The following AGBL3 variants were observed in gnomAD, a reference collection of about 807,000 sequenced individuals.
AGBL3 encodes AGBL carboxypeptidase 3.
A neutral mutation model predicts 94.5 loss-of-function variants in AGBL3; 68 were observed. That is an observed-to-expected ratio of 0.72 (90% confidence interval 0.59 to 0.88). AGBL3 has a LOEUF of 0.88. Ranked by LOEUF, AGBL3 falls within the 40% of genes least tolerant of loss-of-function variation. AGBL3 has a pLI of 0.00. For missense variants in AGBL3, 934 were observed against 1,103.8 expected, an observed-to-expected ratio of 0.85 and a Z score of 2.18; for synonymous variants, 354 against 370.7, an observed-to-expected ratio of 0.95 and a Z score of 0.52.
chr7:135,132,496 T>C (rs182066387), intron 16 of AGBL3, among the ~76,000 whole-genome samples: 7 of 152,194 alleles, frequency 4.6e-5, no homozygotes, highest in Admixed American at 1.3e-4. Context: ...CAGAAAAACA[T>C]AGGAATAAAG....
At chr7:135,036,626 G>T (rs1417952659) in intron 7 of AGBL3, among the ~76,000 whole-genome samples, 1 of 152,152 alleles carries the variant, frequency 6.6e-6, no homozygotes, top group Non-Finnish European at 1.5e-5. Context: ...CTAGACAAGG[G>T]CCAAGCAAAT....
intron 13 of AGBL3, among the ~76,000 whole-genome samples, chr7:135,076,882 C>T (rs1820502524): frequency 8.5e-6 from 1 of 117,978 alleles, no homozygotes; most frequent in Non-Finnish European, 1.9e-5. Context: ...GTGAAATTAT[C>T]CACAACAACA....
At chr7:135,104,814 T>C (rs904728614) in intron 15 of AGBL3, among the ~76,000 whole-genome samples, 4 of 152,004 alleles carry the variant, frequency 2.6e-5, no homozygotes, top group African/African-American at 9.7e-5. Context: ...AAGTTCTTTA[T>C]AGATGCTGGA....
At chr7:135,030,472 G>A (rs1563199030) in intron 5 of AGBL3, among the ~76,000 whole-genome samples, 1 of 152,164 alleles carries the variant, frequency 6.6e-6, no homozygotes, top group African/African-American at 2.4e-5. Context: ...ACCATCATAA[G>A]TAGGAGACCA....
At chr7:135,000,100 C>A (rs569836302) in intron 4 of AGBL3, among the ~76,000 whole-genome samples, 1 of 152,240 alleles carries the variant, frequency 6.6e-6, no homozygotes, top group Admixed American at 6.5e-5. Flanking sequence ...CCTGTATAAA[C>A]CGTTTCCATT....
At chr7:135,129,776 G>C (rs1390230718) in intron 16 of AGBL3, 4 of 620,810 alleles carry the variant, frequency 6.4e-6, no homozygotes, top group African/African-American at 1.8e-5. Context: ...AGGATATTTA[G>C]GGTACTACTC....
At position 134,987,928 on chromosome 7, in the gene AGBL3, G is replaced by GA; in HGVS notation, c.-2dup. The GA allele has an allele frequency of 6.5e-7, 1 of 1,546,404 alleles. No individual in the cohort carries two copies. Among genetic ancestry groups the GA allele is most frequent in the Non-Finnish European group, 8.7e-7 (1 of 1,144,734 alleles). On this transcript the variant is annotated 5_prime_UTR_variant, in exon 2 of 17. Coordinates refer to ENST00000436302, the MANE Select transcript of AGBL3 (RefSeq NM_178563.4). ...ACAAGAAATCTCAAGTCAAACACTGGAAAAGATGTCAGAAGATTCAGAAAA... is the reference window on the plus strand; with the variant it reads ...ACAAGAAATCTCAAGTCAAACACTGGAAAAAGATGTCAGAAGATTCAGAAAA...
intron 5 of AGBL3, among the ~76,000 whole-genome samples, chr7:135,020,756 G>C (rs545025205): frequency 2.0e-5 from 3 of 152,182 alleles, no homozygotes; most frequent in Non-Finnish European, 4.4e-5. Flanking sequence ...CATGTCCCTT[G>C]TAGGGACATG....
At chr7:135,035,576 G>A (rs1401899350) in intron 7 of AGBL3, among the ~76,000 whole-genome samples, 2 of 152,034 alleles carry the variant, frequency 1.3e-5, no homozygotes, top group Non-Finnish European at 2.9e-5. Context: ...AACATAAGTA[G>A]AATATCTTTT....
At chr7:135,040,868 GCACACACACACACACACCA>G (rs1484978416) in intron 8 of AGBL3, among the ~76,000 whole-genome samples, 15 of 148,594 alleles carry the variant, frequency 1.0e-4, no homozygotes, top group Non-Finnish European at 1.9e-4. Flanking sequence ...AGTGATCCAT[GCACACACACACACACACCA>G]CACACACACA....
At chr7:135,116,065 T>C (rs1826271883) in intron 16 of AGBL3, among the ~76,000 whole-genome samples, 1 of 152,142 alleles carries the variant, frequency 6.6e-6, no homozygotes, top group African/African-American at 2.4e-5. Context: ...AAAGGAAACA[T>C]GTGTAAATAA....
chr7:135,058,057 A>G (rs1818490846), intron 11 of AGBL3, among the ~76,000 whole-genome samples: 1 of 152,236 alleles, frequency 6.6e-6, no homozygotes, highest in Non-Finnish European at 1.5e-5. Flanking sequence ...CCACAAGAGT[A>G]AACCCTAAGG....
intron 1 of AGBL3, among the ~76,000 whole-genome samples, chr7:134,986,919 A>C (rs752603217): frequency 6.6e-5 from 10 of 152,230 alleles, no homozygotes; most frequent in Admixed American, 1.3e-4. Context: ...GCAGTGGTGG[A>C]AGACACCCGC....
chr7:134,988,495 T>C (rs1392915935), intron 2 of AGBL3: 4 of 152,550 alleles, frequency 2.6e-5, no homozygotes, highest in African/African-American at 9.6e-5. Context: ...TTCTACTACA[T>C]AGGCTGCGAG....
chr7:135,132,510 A>C (rs1270021466), intron 16 of AGBL3, among the ~76,000 whole-genome samples: 1 of 152,168 alleles, frequency 6.6e-6, no homozygotes, highest in Non-Finnish European at 1.5e-5. Context: ...AATAAAGGGG[A>C]TCTTACTCAA....
intron 8 of AGBL3, among the ~76,000 whole-genome samples, chr7:135,039,595 C>T (rs1816647311): frequency 1.3e-5 from 2 of 151,896 alleles, no homozygotes; most frequent in South Asian, 2.1e-4. Context: ...ATTAGCCAAG[C>T]ATGGCAGTGT....
intron 15 of AGBL3, among the ~76,000 whole-genome samples, chr7:135,088,232 A>G (rs1226815717): frequency 6.6e-6 from 1 of 152,102 alleles, no homozygotes; most frequent in Non-Finnish European, 1.5e-5. Flanking sequence ...TCCCGTAGGC[A>G]GCATATAGTT....
At chr7:135,044,830 A>C (rs2116559470) in intron 9 of AGBL3, among the ~76,000 whole-genome samples, 1 of 145,168 alleles carries the variant, frequency 6.9e-6, no homozygotes, top group East Asian at 2.1e-4. Context: ...GTCATCTAGC[A>C]TTAGGTATAT....
At position 135,115,456 on chromosome 7, in the gene AGBL3, A is replaced by G. The variant is rs1339372731; in HGVS notation, c.2187A>G (p.Thr729=). The G allele has an allele frequency of 2.1e-5, 33 of 1,551,350 alleles. No individual in the cohort carries two copies. In the Admixed American group the frequency reaches 6.5e-4, roughly 30 times the overall value. Residue 729 remains threonine, a synonymous_variant, in exon 16 of 17, where the codon ACA becomes ACG. Coordinates refer to ENST00000436302, the MANE Select transcript of AGBL3 (RefSeq NM_178563.4). The part of the protein sequence containing the change: ...FQSKKTGINW[T]DDEKRSYKDK... ...GCAAGAAGACTGGCATAAATTGGACAGATGATGAAAAAAGAAGCTACAAGG... is the reference window on the plus strand; with the variant it reads ...GCAAGAAGACTGGCATAAATTGGACGGATGATGAAAAAAGAAGCTACAAGG...
Sources: allele counts gnomAD v4.1 joint callset (sites outside exome capture counted in the v4.1 genomes callset), GRCh38; gene constraint gnomAD v4.1.1; transcripts MANE v1.5; gene names NCBI Gene and HGNC (gene_info 2026-07-23, HGNC 2026-07-21).